PCDHGA5: variants seen among roughly 807,000 people sequenced by gnomAD.
PCDHGA5 encodes protocadherin gamma subfamily A, 5.
A neutral mutation model predicts 56.7 loss-of-function variants in PCDHGA5; 36 were observed. The observed-to-expected ratio is 0.64, with a 90% CI of 0.49 to 0.84. The LOEUF is 0.84. Among genes scored for constraint, PCDHGA5 ranks in the 40% least tolerant of loss-of-function variants. The probability of loss-of-function intolerance (pLI) is 0.00; values close to 1 mark genes in which losing one functional copy is unlikely to be tolerated. For missense variants in PCDHGA5, 1,305 were observed against 1,201.5 expected (o/e 1.09, Z -1.27); for synonymous variants, 563 against 520.2 (o/e 1.08, Z -1.12).
intron 1 of PCDHGA5, among the ~76,000 whole-genome samples, chr5:141,445,597 G>T (rs2098471988): frequency 6.6e-6 from 1 of 152,200 alleles, no homozygotes; most frequent in African/African-American, 2.4e-5. Context: ...TAATCTGAAG[G>T]TCAAGGAAGG....
At chr5:141,503,335 G>A (rs111643076) in intron 2 of PCDHGA5, among the ~76,000 whole-genome samples, 108 of 152,220 alleles carry the variant, frequency 7.1e-4, no homozygotes, top group African/African-American at 2.4e-3. Context: ...GGTGGCTCAC[G>A]CCTGTAATTC....
intron 1 of PCDHGA5, chr5:141,409,742 G>T (rs763304955): frequency 5.0e-6 from 8 of 1,612,988 alleles, no homozygotes; most frequent in African/African-American, 1.3e-5. Flanking sequence ...GAGCGGGGTG[G>T]TGTTCGCGCA....
rs1467738404 is a variant in PCDHGA5 at position 141,430,698 on chromosome 5, G to A, written c.2421+63947G>A. On this transcript the variant is annotated intron_variant, in intron 1 of 3. Coordinates refer to ENST00000518069, the MANE Select transcript of PCDHGA5 (RefSeq NM_018918.3). The stretch of plus-strand genomic sequence containing the variant: ...CAACTGTCCCATTCTATGGGCGAAG[G>A]AACTGCTCCTGACTTCAGTGGTTAA... 4.1e-6 allele frequency: 6 copies of A among 1,451,686 alleles called. No homozygotes were observed. The South Asian group carries it at 7.8e-5, about 19-fold the overall frequency. The allele number at this position is 1,451,686 out of a possible 1,614,324, so 89.9% of individuals were successfully genotyped here.
rs1445482375 is a variant in PCDHGA5, at chr5:141,364,528, C to G, written c.198C>G (p.Ile66Met). 43 of 1,614,048 alleles carry G rather than the reference C, an allele frequency of 2.7e-5. No homozygotes were observed. Among genetic ancestry groups the G allele is most frequent in the Non-Finnish European group, 3.6e-5 (43 of 1,179,916 alleles). The change falls in exon 1 of 4, where the codon ATC (isoleucine) becomes ATG (methionine). Residue 66 changes from isoleucine (I) to methionine (M), a missense_variant. Ile to Met is a conservative substitution (Grantham distance 10). Coordinates refer to ENST00000518069, the MANE Select transcript of PCDHGA5 (RefSeq NM_018918.3). ...PQELAERGVRIVSRGRTQLFA... is the reference protein window; with the variant it reads ...PQELAERGVRMVSRGRTQLFA... ...AGCTGGCGGAGCGCGGAGTCCGCAT[C>G]GTCTCCAGAGGTAGGACGCAGCTTT...
At position 141,490,289 on chromosome 5, in the gene PCDHGA5, T is replaced by C; in HGVS notation, c.2422-4518T>C. ...GATGTCAATGACAATGCCCCAGAGG[T>C]GCTATTGGCCTCTTTGGCCAACCCT... On this transcript the variant is annotated intron_variant, in intron 1 of 3. Transcript: ENST00000518069. This position sits in a 1 kb window ranked among gnomAD's most constrained non-coding sequence, Gnocchi z 5.4. The C allele has an allele frequency of 1.2e-6, 2 of 1,614,096 alleles. No homozygotes were observed. The highest frequency in any genetic ancestry group is 1.7e-6 in the Non-Finnish European group (2 of 1,180,016).
Position 141,365,681 on chromosome 5 carries a change from A to T in PCDHGA5, c.1351A>T (p.Asn451Tyr). 6.2e-7 allele frequency: 1 copy of T among 1,613,224 alleles called. No individual in the cohort carries two copies. ...KVADVNDNPP[N>Y]FPQASYSTSV... ...AGCAGACGTTAATGACAACCCACCC[A>T]ATTTCCCTCAAGCCTCCTACTCCAC... Residue 451 changes from asparagine to tyrosine, a missense_variant, in exon 1 of 4, where the codon AAT becomes TAT. Coordinates refer to ENST00000518069, the MANE Select transcript of PCDHGA5 (RefSeq NM_018918.3).
chr5:141,409,270 T>A (rs761773360), intron 1 of PCDHGA5: 6 of 1,613,996 alleles, frequency 3.7e-6, no homozygotes, highest in Non-Finnish European at 4.2e-6. Flanking sequence ...CTGATCAGAT[T>A]TTGGAGAATT....
intron 1 of PCDHGA5, chr5:141,398,938 G>A: frequency 6.2e-7 from 1 of 1,613,958 alleles, no homozygotes; most frequent in African/African-American, 1.3e-5. Context: ...TGACCAAGAC[G>A]AGGGCATCAA....
rs750087491 is a variant in PCDHGA5, at chr5:141,365,060, C to G, written c.730C>G (p.Pro244Ala). The G allele has an allele frequency of 6.2e-7, 1 of 1,613,874 alleles. No homozygotes were observed. Among genetic ancestry groups the G allele is most frequent in the Admixed American group, 1.7e-5 (1 of 60,024 alleles). ...DANDNAPLFTPSEYSVSVPEN... is the reference protein window; with the variant it reads ...DANDNAPLFTASEYSVSVPEN... ...AAACGACAATGCGCCCCTGTTCACC[C>G]CATCCGAGTACAGCGTGAGTGTTCC... Residue 244 changes from proline to alanine, a missense_variant, in exon 1 of 4, where the codon CCA (proline) becomes GCA (alanine). Transcript: ENST00000518069.
intron 2 of PCDHGA5, among the ~76,000 whole-genome samples, chr5:141,497,735 C>T (rs1299892535): frequency 2.6e-5 from 4 of 152,144 alleles, no homozygotes; most frequent in Non-Finnish European, 4.4e-5. Flanking sequence ...AGATGGGTTT[C>T]GCCACGTTGG....
intron 1 of PCDHGA5, chr5:141,374,655 A>T (rs1490179096): frequency 2.2e-5 from 36 of 1,611,798 alleles, no homozygotes; most frequent in Non-Finnish European, 3.1e-5. Flanking sequence ...GGGCCCAAGT[A>T]CCCGGAGCTG....
intron 1 of PCDHGA5, chr5:141,479,209 A>T (rs1314929824): frequency 6.6e-6 from 1 of 152,432 alleles, no homozygotes; most frequent in African/African-American, 2.4e-5. Context: ...AAAAGTATTT[A>T]AAAAATTAAA....
At chr5:141,376,589 C>T (rs774042696) in intron 1 of PCDHGA5, 3 of 1,568,090 alleles carry the variant, frequency 1.9e-6, no homozygotes, top group Non-Finnish European at 2.6e-6. Context: ...TCAGCTAGAT[C>T]GGCTGTTATA....
intron 1 of PCDHGA5, among the ~76,000 whole-genome samples, chr5:141,483,547 G>A (rs1202182188): frequency 6.6e-6 from 1 of 152,140 alleles, no homozygotes. Context: ...GGTTGACAGT[G>A]CCATTCACAG....
chr5:141,441,825 C>A, intron 1 of PCDHGA5: 1 of 357,252 alleles, frequency 2.8e-6, no homozygotes, highest in Non-Finnish European at 5.5e-6. Flanking sequence ...CTCTGGAGCG[C>A]AATGGCTTCG....
At chr5:141,474,323 C>T (rs1176074252) in intron 1 of PCDHGA5, among the ~76,000 whole-genome samples, 2 of 152,186 alleles carry the variant, frequency 1.3e-5, no homozygotes, top group Non-Finnish European at 2.9e-5. Context: ...GTTTTCAAAT[C>T]ACCCTGATGT....
intron 1 of PCDHGA5, chr5:141,382,723 T>TA: frequency 1.9e-6 from 1 of 523,900 alleles, no homozygotes; most frequent in Non-Finnish European, 3.2e-6. Flanking sequence ...CACCGAGTTT[T>TA]ACAGCACAGA....
intron 1 of PCDHGA5, among the ~76,000 whole-genome samples, chr5:141,459,646 T>C (rs2098972004): frequency 6.6e-6 from 1 of 152,266 alleles, no homozygotes; most frequent in Non-Finnish European, 1.5e-5. Context: ...TTTTTCAAAA[T>C]GGTAATATCA....
At chr5:141,449,025 C>G (rs2154562458) in intron 1 of PCDHGA5, among the ~76,000 whole-genome samples, 1 of 152,216 alleles carries the variant, frequency 6.6e-6, no homozygotes, top group East Asian at 1.9e-4. Flanking sequence ...GCTTAGCATT[C>G]CTTTGGATTA....
Sources: allele counts gnomAD v4.1 joint callset (sites outside exome capture counted in the v4.1 genomes callset), GRCh38; gene constraint gnomAD v4.1.1; non-coding constraint Gnocchi (gnomAD v3.1); transcripts MANE v1.5; gene names NCBI Gene and HGNC (gene_info 2026-07-23, HGNC 2026-07-21).